RAD17: variants seen among roughly 807,000 people sequenced by gnomAD.
The protein encoded by RAD17 is cell cycle checkpoint protein RAD17.
RAD17 carries 31 observed loss-of-function variants against 81.5 expected under a neutral mutation model. The ratio of observed to expected loss-of-function variants is 0.38; its 90% CI spans 0.29 to 0.51. RAD17 has a LOEUF of 0.51. Ranked by LOEUF, RAD17 falls within the 20% of genes least tolerant of loss-of-function variation. The pLI is 0.88. For synonymous variants in RAD17, 261 were observed against 266.2 expected (o/e 0.98, Z 0.19); for missense variants, 681 against 781.2 (o/e 0.87, Z 1.53).
At chr5:69,398,399 G>T (rs1765035929) in intron 16 of RAD17, among the ~76,000 whole-genome samples, 1 of 152,168 alleles carries the variant, frequency 6.6e-6, no homozygotes, top group African/African-American at 2.4e-5. Flanking sequence ...AAATGTAGAT[G>T]ATTGAATTAT....
intron 3 of RAD17, 109 bp from the exon 4 acceptor site, chr5:69,371,925 G>T (rs1019494127): frequency 3.9e-6 from 2 of 508,148 alleles, no homozygotes; most frequent in Non-Finnish European, 6.2e-6. Context: ...ATGGGGGTCA[G>T]ACAGTTTCAT....
intron 11 of RAD17, among the ~76,000 whole-genome samples, 153 bp from the exon 12 acceptor site, chr5:69,388,878 GATT>G (rs1308746529): frequency 6.6e-6 from 1 of 152,124 alleles, no homozygotes; most frequent in Non-Finnish European, 1.5e-5. Flanking sequence ...AAATTGCTGA[GATT>G]ATAGGAATGT....
chr5:69,384,389 C>T (rs945933662), intron 7 of RAD17, among the ~76,000 whole-genome samples: 9 of 152,068 alleles, frequency 5.9e-5, no homozygotes, highest in Non-Finnish European at 1.3e-4. Context: ...TCACTGCAAC[C>T]TCCACCTCCT....
At chr5:69,371,868 A>G (rs1763029802) in intron 3 of RAD17, among the ~76,000 whole-genome samples, 166 bp from the exon 4 acceptor site, 1 of 152,208 alleles carries the variant, frequency 6.6e-6, no homozygotes, top group South Asian at 2.1e-4. Context: ...CTTAGAAGTA[A>G]TGTAATTCAG....
At chr5:69,408,088 CTT>C (rs1765741256) in intron 17 of RAD17, among the ~76,000 whole-genome samples, 1 of 152,206 alleles carries the variant, frequency 6.6e-6, no homozygotes, top group African/African-American at 2.4e-5. Flanking sequence ...TATCTGAAGT[CTT>C]TTTCTGTTAA....
In RAD17 at chr5:69,374,225, T is replaced by C; in HGVS notation, c.267+138T>C. On this transcript the variant is annotated intron_variant, in intron 5 of 18. Coordinates refer to ENST00000354868, the MANE Select transcript of RAD17 (RefSeq NM_133338.3). ...AAGTGTTAGAAAAAATTCTGGATTT[T>C]TTTATTTTCCAAGGCTTAGATTTTT... 1.2e-5 allele frequency: 9 copies of C among 772,922 alleles called. No homozygotes were observed. The South Asian group carries it at 2.0e-4, about 17-fold the overall frequency. The allele number at this position is 772,922 out of a possible 1,614,324, so 47.9% of individuals were successfully genotyped here.
chr5:69,377,439 G>GTATATATATA (rs373632198), intron 6 of RAD17, among the ~76,000 whole-genome samples: 5 of 55,484 alleles, frequency 9.0e-5, no homozygotes, highest in Non-Finnish European at 1.2e-4. Context: ...GTGTGTGTGT[G>GTATATATATA]TATATATATA....
In RAD17 at chr5:69,386,255, G is replaced by T; in HGVS notation, c.774G>T (p.Arg258Ser). 1 of 1,606,128 alleles carries T rather than the reference G, an allele frequency of 6.2e-7. No homozygotes were observed. Among genetic ancestry groups the T allele is most frequent in the Non-Finnish European group, 8.5e-7 (1 of 1,175,328 alleles). The part of the protein sequence containing the change: ...SDSLSGDNNQ[R>S]LLFPKEIQEE... ...GTCTCAGTGGAGATAATAATCAAAG[G>T]TTATTGTTTCCCAAAGAAATTCAGG... Residue 258 changes from arginine to serine, a missense_variant, in exon 10 of 19, where the codon AGG becomes AGT. Transcript: ENST00000354868.
At chr5:69,390,797 AATATAT>A (rs4066044) in intron 12 of RAD17, among the ~76,000 whole-genome samples, 1 of 150,528 alleles carries the variant, frequency 6.6e-6, no homozygotes, top group South Asian at 2.1e-4. Context: ...TCTAATTAAA[AATATAT>A]ATATATATAG....
At chr5:69,404,643 C>T in intron 17 of RAD17, among the ~76,000 whole-genome samples, 1 of 151,992 alleles carries the variant, frequency 6.6e-6, no homozygotes, top group Admixed American at 6.6e-5. Flanking sequence ...GTGGTGGGCG[C>T]CTGTAATCCC....
At chr5:69,398,663 A>G (rs1765052350) in intron 16 of RAD17, among the ~76,000 whole-genome samples, 1 of 151,650 alleles carries the variant, frequency 6.6e-6, no homozygotes, top group African/African-American at 2.4e-5. Flanking sequence ...AAAGTTTGCC[A>G]GGTGTGGTGG....
At chr5:69,380,157 A>T (rs1340908644) in intron 6 of RAD17, among the ~76,000 whole-genome samples, 2 of 152,028 alleles carry the variant, frequency 1.3e-5, no homozygotes, top group Non-Finnish European at 2.9e-5. Context: ...CTGGGATTAT[A>T]GGCGTGAGCC....
rs116767054 is a variant in RAD17 at position 69,395,498 on chromosome 5, T to C, written c.1423-899T>C. ...CCACATTCCAGGCTGGGCAACAGACTGAGACCCTATTTTAAATAATAATAC... is the reference window on the plus strand; with the variant it reads ...CCACATTCCAGGCTGGGCAACAGACCGAGACCCTATTTTAAATAATAATAC... On this transcript the variant is annotated intron_variant, in intron 15 of 18. Coordinates refer to ENST00000354868, the MANE Select transcript of RAD17 (RefSeq NM_133338.3). Among the ~76,000 whole-genome samples the C allele has an allele frequency of 2.3e-3, 347 of 152,294 alleles. 3 individuals carry two copies. The highest frequency in any genetic ancestry group is 0.017 in the Middle Eastern group (5 of 294).
intron 17 of RAD17, among the ~76,000 whole-genome samples, chr5:69,403,781 T>C (rs1683982365): frequency 6.6e-6 from 1 of 151,882 alleles, no homozygotes; most frequent in Admixed American, 6.6e-5. Context: ...ATTAGCTGGG[T>C]GTTGTGGCTT....
intron 8 of RAD17, among the ~76,000 whole-genome samples, chr5:69,385,269 T>C (rs1394308245): frequency 6.9e-6 from 1 of 145,944 alleles, no homozygotes; most frequent in Admixed American, 6.8e-5. Context: ...CTAAAATCTT[T>C]TTTTTTTTTT....
chr5:69,393,573 A>T, intron 15 of RAD17, 73 bp downstream of exon 15: 1 of 1,349,788 alleles, frequency 7.4e-7, no homozygotes, highest in Non-Finnish European at 1.0e-6. Context: ...GTTTACTTTT[A>T]TCCCTAATTG....
At position 69,394,667 on chromosome 5, in the gene RAD17, C is replaced by A. The variant is rs144159425; in HGVS notation, c.1422+1167C>A. Among the ~76,000 whole-genome samples the A allele has an allele frequency of 1.0e-3, 155 of 152,270 alleles. 1 individual carries two copies. The highest frequency in any genetic ancestry group is 3.7e-3 in the African/African-American group (152 of 41,546). ...CTTGATAACTGCATGTGGCTGATGG[C>A]TACTTTATTGAACAGCCCAGATACA... On this transcript the variant is annotated intron_variant, in intron 15 of 18. Transcript: ENST00000354868.
chr5:69,405,047 T>TA (rs1390372990), intron 17 of RAD17, among the ~76,000 whole-genome samples: 1 of 152,146 alleles, frequency 6.6e-6, no homozygotes. Context: ...GAAACACACT[T>TA]AAAACCACAA....
chr5:69,378,735 A>G (rs931259341), intron 6 of RAD17, among the ~76,000 whole-genome samples: 1 of 152,218 alleles, frequency 6.6e-6, no homozygotes, highest in African/African-American at 2.4e-5. Context: ...TGATGGGGAT[A>G]CATTCTGGGA....
Sources: gnomAD v4.1 joint callset for allele counts (sites outside exome capture counted in the v4.1 genomes callset) on GRCh38, gnomAD v4.1.1 for gene constraint, MANE v1.5 for transcripts, NCBI Gene and HGNC (gene_info 2026-07-23, HGNC 2026-07-21) for gene names.